The following ERBB4 variants were observed in gnomAD, a reference collection of about 807,000 sequenced individuals.
ERBB4 encodes receptor tyrosine-protein kinase erbB-4.
ERBB4 carries 42 observed loss-of-function variants against 158.0 expected under a neutral mutation model. The ratio of observed to expected loss-of-function variants is 0.27; its 90% CI spans 0.21 to 0.34. ERBB4 has a LOEUF of 0.34. ERBB4 is among the 10% of genes least tolerant of loss of function. The pLI is 1.00. For synonymous variants in ERBB4, 583 were observed against 558.7 expected (o/e 1.04, Z -0.61); for missense variants, 1,333 against 1,624.1 (o/e 0.82, Z 3.08).
chr2:212,067,330 T>G (rs1292307676), intron 2 of ERBB4, among the ~76,000 whole-genome samples: 2 of 151,962 alleles, frequency 1.3e-5, no homozygotes, highest in Non-Finnish European at 2.9e-5. Flanking sequence ...TTATCTTTGG[T>G]AGAAATGAGA....
intron 20 of ERBB4, among the ~76,000 whole-genome samples, chr2:211,543,634 T>C (rs987293120): frequency 3.9e-5 from 6 of 152,068 alleles, no homozygotes; most frequent in Admixed American, 3.3e-4. Context: ...ATTTGAGTGA[T>C]GATAATCAAA....
At chr2:212,314,448 G>C (rs967285400) in intron 1 of ERBB4, among the ~76,000 whole-genome samples, 1 of 149,290 alleles carries the variant, frequency 6.7e-6, no homozygotes, top group African/African-American at 2.5e-5. Context: ...AAAAAGAAAA[G>C]AAAAATGAAA....
chr2:211,483,975 C>G (rs1165141653), intron 20 of ERBB4, among the ~76,000 whole-genome samples: 3 of 152,102 alleles, frequency 2.0e-5, no homozygotes, highest in Admixed American at 2.0e-4. Context: ...GAAAGTCTGT[C>G]TAAAACAAAG....
intron 3 of ERBB4, among the ~76,000 whole-genome samples, chr2:211,845,722 T>C (rs572364780): frequency 2.0e-5 from 3 of 152,310 alleles, no homozygotes; most frequent in South Asian, 4.1e-4. Flanking sequence ...CTGTATTTTA[T>C]GTTTGGCTAT....
intron 12 of ERBB4, among the ~76,000 whole-genome samples, chr2:211,700,234 A>T (rs537350064): frequency 6.6e-6 from 1 of 152,292 alleles, no homozygotes; most frequent in African/African-American, 2.4e-5. Flanking sequence ...GTACACACAC[A>T]TATTGTGATA....
chr2:211,523,318 A>G (rs11679704), intron 20 of ERBB4, among the ~76,000 whole-genome samples: 43,132 of 147,964 alleles, frequency 0.29, 7,318 homozygotes, highest in East Asian at 0.62. Flanking sequence ...AGCTGCTTAG[A>G]AATCTATGTG....
At chr2:211,574,490 G>A (rs755897849) in intron 19 of ERBB4, among the ~76,000 whole-genome samples, 2 of 152,164 alleles carry the variant, frequency 1.3e-5, no homozygotes, top group Admixed American at 1.3e-4. Context: ...AATTCTTGTA[G>A]TTTTAGGCAT....
chr2:211,496,093 C>T (rs1245316785), intron 20 of ERBB4, among the ~76,000 whole-genome samples: 2 of 152,082 alleles, frequency 1.3e-5, no homozygotes, highest in Non-Finnish European at 2.9e-5. Flanking sequence ...AGTTTTCCTC[C>T]TACCTTTCAG....
intron 20 of ERBB4, among the ~76,000 whole-genome samples, chr2:211,439,706 G>T (rs1248981815): frequency 1.3e-5 from 2 of 152,132 alleles, no homozygotes; most frequent in East Asian, 3.9e-4. Context: ...AGTAATACAG[G>T]TTTCACTGGG....
intron 1 of ERBB4, among the ~76,000 whole-genome samples, chr2:212,248,017 T>C (rs1001112641): frequency 6.6e-6 from 1 of 152,074 alleles, no homozygotes; most frequent in African/African-American, 2.4e-5. Flanking sequence ...TTATCTACAG[T>C]GATTATCATT....
intron 3 of ERBB4, among the ~76,000 whole-genome samples, chr2:211,922,863 A>C (rs1219075079): frequency 6.6e-6 from 1 of 152,140 alleles, no homozygotes; most frequent in Admixed American, 6.6e-5. Flanking sequence ...GAAAAAAGAC[A>C]TATGCAAGGT....
intron 1 of ERBB4, chr2:212,426,397 C>T (rs774525234): frequency 7.1e-6 from 3 of 424,136 alleles, no homozygotes; most frequent in South Asian, 5.7e-5. Flanking sequence ...TCTCTTTCGT[C>T]ACACATTTTC....
intron 2 of ERBB4, among the ~76,000 whole-genome samples, chr2:212,107,385 A>AT (rs2079263094): frequency 6.6e-6 from 1 of 152,064 alleles, no homozygotes; most frequent in Admixed American, 6.6e-5. Flanking sequence ...TTAGCCCTTC[A>AT]TTCCTTCATT....
intron 2 of ERBB4, among the ~76,000 whole-genome samples, chr2:212,026,014 G>A (rs995357715): frequency 2.6e-5 from 4 of 151,602 alleles, no homozygotes; most frequent in Non-Finnish European, 4.4e-5. Flanking sequence ...AAGTCTCAAT[G>A]AGGACAAAAA....
chr2:211,503,861 G>A (rs6719069), intron 20 of ERBB4, among the ~76,000 whole-genome samples: 1,888 of 152,200 alleles, frequency 0.012, 52 homozygotes, highest in African/African-American at 0.042. Flanking sequence ...CCCTGTGAAG[G>A]CCAGTGCTTG....
chr2:211,585,936 G>C (rs905638998), intron 19 of ERBB4, among the ~76,000 whole-genome samples: 1 of 152,152 alleles, frequency 6.6e-6, no homozygotes, highest in Middle Eastern at 3.2e-3. Flanking sequence ...CAGTTACTGA[G>C]ATTGGGATTA....
At chr2:212,251,153 A>C (rs187674227) in intron 1 of ERBB4, among the ~76,000 whole-genome samples, 117 of 152,134 alleles carry the variant, frequency 7.7e-4, no homozygotes, top group African/African-American at 2.7e-3. Context: ...ATGTCTTTAC[A>C]TCCTGAATTC....
At chr2:211,491,248 A>G (rs1227753799) in intron 20 of ERBB4, among the ~76,000 whole-genome samples, 1 of 152,102 alleles carries the variant, frequency 6.6e-6, no homozygotes, top group Non-Finnish European at 1.5e-5. Flanking sequence ...GAAATGTACG[A>G]AGTCTCAAAG....
At chr2:211,647,640 T>A (rs1296786431) in intron 16 of ERBB4, among the ~76,000 whole-genome samples, 1 of 151,672 alleles carries the variant, frequency 6.6e-6, no homozygotes, top group African/African-American at 2.4e-5. Flanking sequence ...CTAAGTATGG[T>A]ATTACATTTT....
Sources: allele counts gnomAD v4.1 joint callset (sites outside exome capture counted in the v4.1 genomes callset), GRCh38; gene constraint gnomAD v4.1.1; transcripts MANE v1.5; gene names NCBI Gene and HGNC (gene_info 2026-07-23, HGNC 2026-07-21).